SLC25A21: variants seen among roughly 807,000 people sequenced by gnomAD.
SLC25A21 encodes the protein mitochondrial 2-oxodicarboxylate carrier.
SLC25A21 carries 47 observed loss-of-function variants against 43.8 expected under a neutral mutation model. The observed-to-expected ratio is 1.07, with a 90% confidence interval of 0.85 to 1.37. The LOEUF (loss-of-function observed/expected upper bound fraction) is 1.37. Ranked by LOEUF, SLC25A21 falls within the 40% of genes most tolerant of loss-of-function variation. The probability of loss-of-function intolerance (pLI) is 0.00; values close to 1 mark genes in which losing one functional copy is unlikely to be tolerated. For synonymous variants in SLC25A21, 131 were observed against 121.3 expected, an observed-to-expected ratio of 1.08 and a Z score of -0.52; for missense variants, 352 against 350.2, an observed-to-expected ratio of 1.00 and a Z score of -0.04.
intron 3 of SLC25A21, among the ~76,000 whole-genome samples, chr14:36,808,437 C>T (rs946355093): frequency 2.9e-4 from 44 of 152,140 alleles, no homozygotes; most frequent in Non-Finnish European, 6.2e-4. Context: ...TCAGAGCTTT[C>T]ATACATTACT....
At chr14:36,823,044 A>G (rs1279230515) in intron 2 of SLC25A21, among the ~76,000 whole-genome samples, 1 of 152,208 alleles carries the variant, frequency 6.6e-6, no homozygotes, top group Non-Finnish European at 1.5e-5. Flanking sequence ...AAAATTTGAC[A>G]TTGCAAAATG....
intron 1 of SLC25A21, among the ~76,000 whole-genome samples, chr14:36,961,904 T>C (rs1316952384): frequency 6.6e-6 from 1 of 152,042 alleles, no homozygotes; most frequent in African/African-American, 2.4e-5. Flanking sequence ...TGTCTGTATG[T>C]CTGAAAACAT....
chr14:37,084,583 CCTT>C (rs1048702098), intron 1 of SLC25A21, among the ~76,000 whole-genome samples: 4 of 152,118 alleles, frequency 2.6e-5, no homozygotes, highest in Non-Finnish European at 5.9e-5. Context: ...TGTTATTTGT[CCTT>C]CCATAAACAT....
chr14:36,821,729 A>G (rs1028941395), intron 2 of SLC25A21, among the ~76,000 whole-genome samples: 7 of 152,200 alleles, frequency 4.6e-5, no homozygotes, highest in African/African-American at 1.7e-4. Flanking sequence ...AGGCAGGAGA[A>G]TCAGTTGAAC....
chr14:37,149,286 C>T (rs189060548), intron 1 of SLC25A21, among the ~76,000 whole-genome samples: 166 of 152,216 alleles, frequency 1.1e-3, no homozygotes, highest in Non-Finnish European at 1.8e-3. Flanking sequence ...ATGAAAGAAA[C>T]AGAAAATCTA....
Position 36,678,150 on chromosome 14 carries a change from A to G in SLC25A21, c.*2508T>C. The G allele has an allele frequency of 5.8e-6, 2 of 343,130 alleles. No individual in the cohort carries two copies. The highest frequency in any genetic ancestry group is 1.1e-4 in the South Asian group (2 of 18,836). 21.3% of individuals were successfully genotyped at this position (343,130 alleles called of 1,614,324 possible). On this transcript the variant is annotated 3_prime_UTR_variant, in exon 10 of 10. Transcript: ENST00000331299. ...TAATTTCTTCCGGTCTGTGCTGTGCACAGTCTACATGGCAATGCGGTTCCA... is the reference window on the plus strand; with the variant it reads ...TAATTTCTTCCGGTCTGTGCTGTGCGCAGTCTACATGGCAATGCGGTTCCA...
Position 37,172,266 on chromosome 14 carries a change from G to C in SLC25A21, c.70+15C>G. 1.9e-6 allele frequency: 3 copies of C among 1,582,462 alleles called. No homozygotes were observed. Among genetic ancestry groups the C allele is most frequent in the African/African-American group, 1.3e-5 (1 of 74,370 alleles). On this transcript the variant is annotated intron_variant, in intron 1 of 9. Transcript: ENST00000331299. ...AGCGACTAGCCTCCGGCGGGGCAGG[G>C]CGGGCTGTCCTTACCTGCAGAACCA...
chr14:36,716,639 G>C (rs1160591702), intron 6 of SLC25A21, among the ~76,000 whole-genome samples: 1 of 152,146 alleles, frequency 6.6e-6, no homozygotes, highest in Non-Finnish European at 1.5e-5. Flanking sequence ...CTTACTTTCT[G>C]AGAGCCCAGT....
chr14:36,873,830 T>G (rs1890443190), intron 2 of SLC25A21, among the ~76,000 whole-genome samples: 1 of 152,136 alleles, frequency 6.6e-6, no homozygotes. Flanking sequence ...CTCTCTGTCA[T>G]GTAAGTATAC....
At chr14:36,898,966 T>A (rs917755976) in intron 1 of SLC25A21, among the ~76,000 whole-genome samples, 1 of 152,196 alleles carries the variant, frequency 6.6e-6, no homozygotes, top group Non-Finnish European at 1.5e-5. Context: ...CTATGTGGAG[T>A]AATGTATGTG....
At chr14:37,025,530 T>C (rs1297992258) in intron 1 of SLC25A21, among the ~76,000 whole-genome samples, 1 of 152,190 alleles carries the variant, frequency 6.6e-6, no homozygotes, top group East Asian at 1.9e-4. Context: ...TTCAGTTACT[T>C]GCAAGGCTGA....
intron 1 of SLC25A21, among the ~76,000 whole-genome samples, chr14:37,109,455 T>G (rs1450534560): frequency 6.6e-6 from 1 of 152,116 alleles, no homozygotes; most frequent in Admixed American, 6.6e-5. Context: ...AATGCCAGAT[T>G]TGTAGCATTT....
chr14:36,742,011 A>G (rs1313494293), intron 3 of SLC25A21, among the ~76,000 whole-genome samples: 1 of 152,168 alleles, frequency 6.6e-6, no homozygotes, highest in Non-Finnish European at 1.5e-5. Flanking sequence ...ACAGTCAATC[A>G]TATCTTTACA....
chr14:37,050,384 G>C (rs978016293), intron 1 of SLC25A21, among the ~76,000 whole-genome samples: 1 of 152,180 alleles, frequency 6.6e-6, no homozygotes, highest in Non-Finnish European at 1.5e-5. Flanking sequence ...TATACAGTAA[G>C]TAACTCAACC....
chr14:36,816,792 C>T (rs1446384098), intron 2 of SLC25A21, among the ~76,000 whole-genome samples: 1 of 152,204 alleles, frequency 6.6e-6, no homozygotes, highest in African/African-American at 2.4e-5. Flanking sequence ...GCATGAGCCA[C>T]TACCCCTAGA....
At chr14:36,789,817 A>AATATATTTTATATATTTATATTTT in intron 3 of SLC25A21, among the ~76,000 whole-genome samples, 1 of 86,524 alleles carries the variant, frequency 1.2e-5, no homozygotes, top group East Asian at 3.0e-4. Context: ...TATTATATAT[A>AATATATTTTATATATTTATATTTT]ATATATTTTA....
chr14:37,045,376 C>A (rs1961565945), intron 1 of SLC25A21, among the ~76,000 whole-genome samples: 1 of 152,106 alleles, frequency 6.6e-6, no homozygotes, highest in Non-Finnish European at 1.5e-5. Context: ...AAATCTATTA[C>A]TTTCCATTAT....
chr14:36,681,079 G>C (rs1882230249), intron 9 of SLC25A21, among the ~76,000 whole-genome samples: 1 of 152,170 alleles, frequency 6.6e-6, no homozygotes, highest in Admixed American at 6.5e-5. Context: ...TTCTTCATGT[G>C]TAGATAAAGG....
chr14:36,975,316 C>T (rs191208436), intron 1 of SLC25A21, among the ~76,000 whole-genome samples: 96 of 152,254 alleles, frequency 6.3e-4, no homozygotes, highest in African/African-American at 2.2e-3. Flanking sequence ...TCATAAATCA[C>T]CACTAAAGAA....
Sources: allele counts gnomAD v4.1 joint callset (sites outside exome capture counted in the v4.1 genomes callset), GRCh38; gene constraint gnomAD v4.1.1; transcripts MANE v1.5; gene names NCBI Gene and HGNC (gene_info 2026-07-23, HGNC 2026-07-21).